The following DACH2 variants were observed in gnomAD, a reference collection of about 807,000 sequenced individuals.
The protein encoded by DACH2 is dachshund homolog 2.
DACH2 carries 17 observed loss-of-function variants against 35.8 expected under a neutral mutation model. The observed-to-expected ratio is 0.48, with a 90% CI of 0.33 to 0.71. The LOEUF (loss-of-function observed/expected upper bound fraction) is 0.71. Among genes scored for constraint, DACH2 ranks in the 30% least tolerant of loss-of-function variants. DACH2 has a pLI of 0.02. For synonymous variants in DACH2, 195 were observed against 177.3 expected (o/e 1.10, Z -0.79); for missense variants, 469 against 472.7 (o/e 0.99, Z 0.07).
intron 1 of DACH2, among the ~76,000 whole-genome samples, chrX:86,240,127 C>T (rs753009525): frequency 8.9e-6 from 1 of 111,732 alleles, no homozygotes; most frequent in East Asian, 2.8e-4. Flanking sequence ...ACTTCCAAAA[C>T]TGATTCTACT....
chrX:86,243,903 C>A (rs991454584), intron 1 of DACH2, among the ~76,000 whole-genome samples: 1 of 111,348 alleles, frequency 9.0e-6, no homozygotes, highest in Non-Finnish European at 1.9e-5. Context: ...TACTTCATCA[C>A]CTTTACATTA....
intron 1 of DACH2, among the ~76,000 whole-genome samples, chrX:86,265,927 T>C: frequency 9.0e-6 from 1 of 111,323 alleles, no homozygotes; most frequent in Non-Finnish European, 1.9e-5. Context: ...ATGTGTGTAA[T>C]GTAGATAATA....
intron 2 of DACH2, among the ~76,000 whole-genome samples, chrX:86,452,584 T>C (rs913136637): frequency 9.0e-6 from 1 of 111,650 alleles, no homozygotes; most frequent in African/African-American, 3.3e-5. Flanking sequence ...TTTATTCATT[T>C]CATCTACATT....
At chrX:86,722,814 T>A (rs1232894891) in intron 6 of DACH2, among the ~76,000 whole-genome samples, 3 of 111,489 alleles carry the variant, frequency 2.7e-5, no homozygotes, top group Non-Finnish European at 5.6e-5. Context: ...TTTATTGTTG[T>A]GTTGTCCTCT....
At chrX:86,166,236 G>T (rs1001200925) in intron 1 of DACH2, among the ~76,000 whole-genome samples, 3 of 110,960 alleles carry the variant, frequency 2.7e-5, no homozygotes, top group African/African-American at 9.8e-5. Context: ...GTTCCTTATA[G>T]CTCTATAGTA....
At chrX:86,341,375 G>A (rs1202492140) in intron 1 of DACH2, among the ~76,000 whole-genome samples, 1 of 111,745 alleles carries the variant, frequency 8.9e-6, no homozygotes, top group Non-Finnish European at 1.9e-5. Context: ...AGAAAACTTA[G>A]ATGACAGCAT....
chrX:86,491,668 G>A (rs578048749), intron 2 of DACH2, among the ~76,000 whole-genome samples: 240 of 111,608 alleles, frequency 2.2e-3, no homozygotes, highest in African/African-American at 7.1e-3. Flanking sequence ...CATTTTGCAC[G>A]TGTTGTCTTT....
intron 4 of DACH2, among the ~76,000 whole-genome samples, chrX:86,684,925 A>C (rs1490091257): frequency 8.9e-6 from 1 of 111,761 alleles, no homozygotes; most frequent in Non-Finnish European, 1.9e-5. Context: ...AATAGAAATA[A>C]TTAAGAAGAT....
intron 2 of DACH2, among the ~76,000 whole-genome samples, chrX:86,499,741 G>A (rs1287281231): frequency 1.8e-5 from 2 of 110,734 alleles, no homozygotes; most frequent in South Asian, 8.2e-4. Context: ...AATTGTAATG[G>A]TTTTATCTTC....
intron 2 of DACH2, among the ~76,000 whole-genome samples, chrX:86,438,548 G>A (rs1377018637): frequency 1.8e-5 from 2 of 111,728 alleles, no homozygotes; most frequent in Non-Finnish European, 3.8e-5. Flanking sequence ...TTTTATGGGT[G>A]CATAGTATTC....
chrX:86,783,541 A>G (rs1395321651), intron 7 of DACH2, among the ~76,000 whole-genome samples: 2 of 112,321 alleles, frequency 1.8e-5, no homozygotes, highest in African/African-American at 6.5e-5. Flanking sequence ...AGAATGGATG[A>G]AGAAAATGTG....
intron 1 of DACH2, among the ~76,000 whole-genome samples, chrX:86,210,289 A>G (rs2032414829): frequency 1.8e-5 from 2 of 111,677 alleles, no homozygotes; most frequent in Admixed American, 1.9e-4. Flanking sequence ...TACTATCTCT[A>G]TTTTTTTGAA....
intron 3 of DACH2, among the ~76,000 whole-genome samples, chrX:86,636,316 C>T (rs6623746): frequency 0.13 from 14,600 of 110,329 alleles, 776 homozygotes; most frequent in South Asian, 0.35. Context: ...GGCGTAGTGA[C>T]GGGTGCCTGT....
At chrX:86,443,167 A>G (rs1425134555) in intron 2 of DACH2, among the ~76,000 whole-genome samples, 7 of 111,786 alleles carry the variant, frequency 6.3e-5, no homozygotes, top group African/African-American at 2.3e-4. Context: ...ACGTTTTTAC[A>G]ATATTAATTA....
chrX:86,202,397 T>C (rs2032179961), intron 1 of DACH2, among the ~76,000 whole-genome samples: 1 of 111,846 alleles, frequency 8.9e-6, no homozygotes, highest in Non-Finnish European at 1.9e-5. Flanking sequence ...TCAGAGGAGA[T>C]GGCTTTAAAA....
intron 6 of DACH2, among the ~76,000 whole-genome samples, chrX:86,739,030 G>A (rs961544416): frequency 9.0e-6 from 1 of 110,729 alleles, no homozygotes; most frequent in East Asian, 2.9e-4. Context: ...CTGCCACCAT[G>A]CCTGGCTAAT....
intron 4 of DACH2, among the ~76,000 whole-genome samples, chrX:86,687,567 A>T (rs1270636633): frequency 8.9e-6 from 1 of 111,958 alleles, no homozygotes; most frequent in Non-Finnish European, 1.9e-5. Flanking sequence ...ATTATAAAAC[A>T]TTCTATGATA....
At chrX:86,371,764 T>C (rs1272544774) in intron 1 of DACH2, among the ~76,000 whole-genome samples, 2 of 111,135 alleles carry the variant, frequency 1.8e-5, no homozygotes, top group Admixed American at 9.7e-5. Flanking sequence ...ACAGTGGAAA[T>C]GCAACAGTTA....
At chrX:86,715,441 G>T (rs1209265292) in intron 6 of DACH2, among the ~76,000 whole-genome samples, 3 of 110,819 alleles carry the variant, frequency 2.7e-5, no homozygotes, top group African/African-American at 9.8e-5. Context: ...TGGCTTTTCT[G>T]CTCTCTTTCC....
Sources: allele counts gnomAD v4.1 joint callset (sites outside exome capture counted in the v4.1 genomes callset), GRCh38; gene constraint gnomAD v4.1.1; transcripts MANE v1.5; gene names NCBI Gene and HGNC (gene_info 2026-07-23, HGNC 2026-07-21).